Variants in PGAM2 observed in about 807,000 individuals in gnomAD.
PGAM2 encodes the protein BPG-dependent PGAM 2.
A neutral mutation model predicts 22.5 loss-of-function variants in PGAM2; 23 were observed. The ratio of observed to expected loss-of-function variants is 1.02; its 90% CI spans 0.74 to 1.45. The LOEUF (loss-of-function observed/expected upper bound fraction) is 1.45, where lower values mean the gene tolerates loss of function less well. Among genes scored for constraint, PGAM2 ranks in the 40% most tolerant of loss-of-function variants. The probability of loss-of-function intolerance (pLI) is 0.00; values close to 1 mark genes in which losing one functional copy is unlikely to be tolerated. For missense variants in PGAM2, 349 were observed against 356.2 expected (o/e 0.98, Z 0.16); for synonymous variants, 133 against 138.6 (o/e 0.96, Z 0.29).
intron 2 of PGAM2, 149 bp downstream of exon 2, chr7:44,064,683 A>C: frequency 1.4e-6 from 1 of 725,488 alleles, no homozygotes; most frequent in South Asian, 1.7e-5. Context: ...AAAACTAAAA[A>C]ATGGCTTCTC....
chr7:44,062,977 G>A (rs774594335), intron 2 of PGAM2, 47 bp from the exon 3 acceptor site: 14 of 1,593,810 alleles, frequency 8.8e-6, no homozygotes, highest in Non-Finnish European at 1.2e-5. Context: ...TCCCCAGCCT[G>A]TTTACACAGC....
chr7:44,063,271 T>G (rs532110114), intron 2 of PGAM2: 2 of 336,682 alleles, frequency 5.9e-6, no homozygotes, highest in South Asian at 6.1e-5. Context: ...TTGTTTTTTT[T>G]TTTTCTTTTC....
At chr7:44,064,797 A>AGCCCCCGGACCAGAAAGAGGC in intron 2 of PGAM2, 35 bp downstream of exon 2, 1 of 633,308 alleles carries the variant, frequency 1.6e-6, no homozygotes, top group African/African-American at 1.9e-5. Context: ...GCTGCTGCCC[A>AGCCCCCGGACCAGAAAGAGGC]CCCACCCTGC....
chr7:44,063,061 G>A lies in PGAM2; in HGVS notation c.596-131C>T, dbSNP rs567570158. 16 of 979,854 alleles carry A rather than the reference G, an allele frequency of 1.6e-5. No homozygotes were observed. The East Asian group carries it at 4.0e-4, about 25-fold the overall frequency. 60.7% of individuals were successfully genotyped at this position (979,854 alleles called of 1,614,324 possible). A position where few individuals can be genotyped will look rare whatever the true frequency, so the allele number is the denominator to read the frequency against. The stretch of plus-strand genomic sequence containing the variant: ...AATTCCTTCCCAGCCCTGAGAACGA[G>A]GCCACAGAAATGTTGCCAAAGGTCA... On this transcript the variant is annotated intron_variant, in intron 2 of 2. Coordinates refer to ENST00000297283, the MANE Select transcript of PGAM2 (RefSeq NM_000290.4).
At position 44,062,839 on chromosome 7, in the gene PGAM2, G is replaced by A. The variant is rs2096151806; in HGVS notation, c.687C>T (p.Pro229=). 2 of 1,614,206 alleles carry A rather than the reference G, an allele frequency of 1.2e-6. No homozygotes were observed. Among genetic ancestry groups the A allele is most frequent in the South Asian group, 1.1e-5 (1 of 91,088 alleles). Residue 229 remains proline (P), a synonymous_variant, in exon 3 of 3, where the codon CCC becomes CCT. Coordinates refer to ENST00000297283, the MANE Select transcript of PGAM2 (RefSeq NM_000290.4). ...TTTCCTCATCACCCAGGAACTGCAT[G>A]GGCTTGGTGGGCTTCAGCTCCTTGT... ...ELNKELKPTK[P]MQFLGDEETV... is the part of the protein sequence containing the mutation.
rs1220901183 is a variant in PGAM2 at position 44,065,235 on chromosome 7, T to C, written c.295A>G (p.Asn99Asp). ...ERHYGGLTGL[N>D]KAETAAKHGE... ...TGCTTGGCGGCCGTTTCTGCCTTGT[T>C]GAGGCCTGTGAGGCCCCCGTAATGC... The change falls in exon 1 of 3, where the codon AAC (asparagine) becomes GAC (aspartate). Residue 99 changes from asparagine (N) to aspartate (D), a missense_variant. Physicochemically the swap from Asn to Asp is conservative, Grantham distance 23. Coordinates refer to ENST00000297283, the MANE Select transcript of PGAM2 (RefSeq NM_000290.4). The C allele has an allele frequency of 6.2e-7, 1 of 1,613,984 alleles. No homozygotes were observed. The highest frequency in any genetic ancestry group is 2.2e-5 in the East Asian group (1 of 44,886).
In PGAM2 at chr7:44,062,938, G is replaced by A. The variant is rs112718874; in HGVS notation, c.596-8C>T. 2.9e-5 allele frequency: 47 copies of A among 1,613,506 alleles called. No individual in the cohort carries two copies. Among genetic ancestry groups the A allele is most frequent in the South Asian group, 5.5e-5 (5 of 91,080 alleles). ...TCGCCTGGTCTGACATCCCTATGCC[G>A]GAAGGAATAGGTGTCCTTAGCCCCT... On this transcript the variant is annotated splice_region_variant and splice_polypyrimidine_tract_variant and intron_variant, in intron 2 of 2. Coordinates refer to ENST00000297283, the MANE Select transcript of PGAM2 (RefSeq NM_000290.4).
At chr7:44,062,989 G>C (rs1471686177) in intron 2 of PGAM2, 59 bp from the exon 3 acceptor site, 5 of 1,554,226 alleles carry the variant, frequency 3.2e-6, no homozygotes, top group Non-Finnish European at 3.6e-6. Flanking sequence ...TTACACAGCA[G>C]ACACTATGTG....
rs753602330 is a variant in PGAM2, at chr7:44,065,518, G to T, written c.12C>A (p.His4Gln). MAT[H>Q]RLVMVRHGES... is the part of the protein sequence containing the mutation. ...CGCCGTGCCGGACCATCACGAGGCG[G>T]TGAGTGGCCATGGTGGCAGCAGGGA... The change falls in exon 1 of 3, where the codon CAC becomes CAA. Residue 4 changes from histidine (H) to glutamine (Q), a missense_variant. By Grantham distance (24) the His-to-Gln change is conservative. Coordinates refer to ENST00000297283, the MANE Select transcript of PGAM2 (RefSeq NM_000290.4). 5.0e-6 allele frequency: 8 copies of T among 1,613,962 alleles called. No homozygotes were observed. Among genetic ancestry groups the T allele is most frequent in the Non-Finnish European group, 6.8e-6 (8 of 1,179,992 alleles).
At chr7:44,064,800 C>T (rs1340829444) in intron 2 of PGAM2, 32 bp downstream of exon 2, 1 of 1,231,532 alleles carries the variant, frequency 8.1e-7, no homozygotes, top group Non-Finnish European at 1.2e-6. Context: ...GCTGCCCACC[C>T]ACCCTGCCCA....
intron 2 of PGAM2, chr7:44,063,893 G>A (rs2096153996): frequency 6.6e-6 from 1 of 152,380 alleles, no homozygotes; most frequent in Admixed American, 6.5e-5. Context: ...GAAGTCTCCG[G>A]AAGGGAGAGG....
Position 44,064,938 on chromosome 7 carries a change from G to C in PGAM2, c.489C>G (p.Ala163=), listed in dbSNP as rs1201379677. Residue 163 remains alanine (A), a synonymous_variant, in exon 2 of 3, where the codon GCC becomes GCG. Transcript: ENST00000297283. The part of the protein sequence containing the change: ...CESLKDTIAR[A]LPFWNEEIVP... The stretch of plus-strand genomic sequence containing the variant: ...CAATCTCCTCGTTCCAGAAGGGCAG[G>C]GCCCGGGCAATGGTGTCCTTGAGGC... 4 of 1,610,022 alleles carry C rather than the reference G, an allele frequency of 2.5e-6. No individual in the cohort carries two copies. The highest frequency in any genetic ancestry group is 3.4e-6 in the Non-Finnish European group (4 of 1,179,710).
chr7:44,065,468 C>T lies in PGAM2; in HGVS notation c.62G>A (p.Arg21His), dbSNP rs1392611950. The T allele has an allele frequency of 5.6e-6, 9 of 1,614,130 alleles. No individual in the cohort carries two copies. The highest frequency in any genetic ancestry group is 3.3e-5 in the South Asian group (3 of 91,086). Residue 21 changes from arginine to histidine, a missense_variant, in exon 1 of 3, where the codon CGT becomes CAT. Arg to His is a conservative substitution (Grantham distance 29). Transcript: ENST00000297283. Reference protein sequence around the residue: ...HGESTWNQENRFCGWFDAELS... With the variant: ...HGESTWNQENHFCGWFDAELS... The stretch of plus-strand genomic sequence containing the variant: ...CTCTGCATCGAACCAGCCACAGAAA[C>T]GGTTCTCCTGGTTCCATGTGCTCTC...
intron 2 of PGAM2, 169 bp downstream of exon 2, chr7:44,064,663 A>G: frequency 4.5e-6 from 3 of 660,036 alleles, no homozygotes; most frequent in South Asian, 3.6e-5. Flanking sequence ...AGAAATGGGG[A>G]AAATTTCACA....
intron 2 of PGAM2, chr7:44,063,165 G>A (rs2096152332): frequency 1.8e-6 from 1 of 570,078 alleles, no homozygotes; most frequent in East Asian, 3.2e-5. Context: ...CCCCACCCAA[G>A]TGGCTGTGAT....
At position 44,064,448 on chromosome 7, in the gene PGAM2, C is replaced by A. The variant is rs79731102; in HGVS notation, c.595+384G>T. ...TACCAGGGGGAGCTCCCCACCACCC[C>A]GGAAAAGGGAGAGGCCCAGAGATGG... On this transcript the variant is annotated intron_variant, in intron 2 of 2. Coordinates refer to ENST00000297283, the MANE Select transcript of PGAM2 (RefSeq NM_000290.4). 1.9e-5 allele frequency: 6 copies of A among 313,624 alleles called. 1 individual carries two copies. The highest frequency in any genetic ancestry group is 1.8e-4 in the South Asian group (6 of 34,044). 19.4% of individuals were successfully genotyped at this position (313,624 alleles called of 1,614,324 possible).
Position 44,062,800 on chromosome 7 carries a change from G to A in PGAM2, c.726C>T (p.Ala242=), listed in dbSNP as rs142209394. 2.2e-4 allele frequency: 348 copies of A among 1,614,210 alleles called. No homozygotes were observed. The African/African-American group carries it at 3.5e-3, about 16-fold the overall frequency. ...TGCCCTGGGCAGCCACAGCCTCCAT[G>A]GCCTTCCGCACCGTTTCCTCATCAC... ...FLGDEETVRK[A]MEAVAAQGKA... Residue 242 remains alanine, a synonymous_variant, in exon 3 of 3, where the codon GCC becomes GCT. Transcript: ENST00000297283.
intron 2 of PGAM2, 31 bp downstream of exon 2, chr7:44,064,801 A>AG: frequency 2.8e-6 from 2 of 706,520 alleles, no homozygotes; most frequent in African/African-American, 1.8e-5. Context: ...CTGCCCACCC[A>AG]CCCTGCCCAG....
At chr7:44,064,727 C>T in intron 2 of PGAM2, 105 bp downstream of exon 2, 1 of 997,656 alleles carries the variant, frequency 1.0e-6, no homozygotes, top group East Asian at 2.6e-5. Flanking sequence ...TGTGGAGCCC[C>T]ACGCCTAGAA....
Sources: allele counts gnomAD v4.1 joint callset, GRCh38; gene constraint gnomAD v4.1.1; transcripts MANE v1.5; gene names NCBI Gene and HGNC (gene_info 2026-07-23, HGNC 2026-07-21).